The following PLEKHA7 variants were observed in gnomAD, a reference collection of about 807,000 sequenced individuals.
The protein encoded by PLEKHA7 is pleckstrin homology domain-containing family A member 7.
PLEKHA7 carries 104 observed loss-of-function variants against 170.0 expected under a neutral mutation model. That is an observed-to-expected ratio of 0.61 (90% CI 0.52 to 0.72). The LOEUF is 0.72. PLEKHA7 is among the 30% of genes least tolerant of loss of function. The pLI, the probability that PLEKHA7 is intolerant of heterozygous loss-of-function variation, is 0.00. For missense variants in PLEKHA7, 1,615 were observed against 1,671.7 expected, an observed-to-expected ratio of 0.97 and a Z score of 0.59; for synonymous variants, 648 against 660.8, an observed-to-expected ratio of 0.98 and a Z score of 0.30.
chr11:16,801,688 C>G lies in PLEKHA7; in HGVS notation c.2287G>C (p.Glu763Gln), dbSNP rs1281633324. 8 of 1,614,012 alleles carry G rather than the reference C, an allele frequency of 5.0e-6. No individual in the cohort carries two copies. Among genetic ancestry groups the G allele is most frequent in the Non-Finnish European group, 5.9e-6 (7 of 1,180,014 alleles). The change falls in exon 16 of 27, where the codon GAG (glutamate) becomes CAG (glutamine). Residue 763 changes from glutamate (E) to glutamine (Q), a missense_variant. Transcript: ENST00000531066. Reference sequence around the variant, plus strand: ...CGCACAGTGGACTCTCTGGAGAGCTCAGCTCGGATATGGACAAGGTCCTCC... The same window carrying G: ...CGCACAGTGGACTCTCTGGAGAGCTGAGCTCGGATATGGACAAGGTCCTCC... ...LQEDLVHIRA[E>Q]LSRESTEMEN...
intron 3 of PLEKHA7, among the ~76,000 whole-genome samples, chr11:17,007,773 C>G (rs1028692830): frequency 6.6e-6 from 1 of 152,002 alleles, no homozygotes; most frequent in Non-Finnish European, 1.5e-5. Flanking sequence ...AGGGTTTTAC[C>G]ATGTTGCCCA....
chr11:16,961,433 C>T (rs1053806920), intron 3 of PLEKHA7, among the ~76,000 whole-genome samples: 1 of 152,216 alleles, frequency 6.6e-6, no homozygotes, highest in Admixed American at 6.5e-5. Flanking sequence ...GGCTATGAGC[C>T]TTCCTCAGCT....
rs1219178903 is a variant in PLEKHA7 at position 16,777,745 on chromosome 11, G to A, written c.*1253C>T. On this transcript the variant is annotated 3_prime_UTR_variant, in exon 27 of 27. Transcript: ENST00000531066. ...AAGTCCTGCCATTATGGCCCTGCTG[G>A]CGGCAGGCCATGAGGGATGGTGGGG... 1 of 152,232 alleles carries A rather than the reference G, an allele frequency of 6.6e-6. No individual in the cohort carries two copies. The highest frequency in any genetic ancestry group is 2.4e-5 in the African/African-American group (1 of 41,472). 9.4% of individuals were successfully genotyped at this position (152,232 alleles called of 1,614,324 possible).
At chr11:17,000,664 A>G (rs1360450385) in intron 3 of PLEKHA7, among the ~76,000 whole-genome samples, 2 of 152,202 alleles carry the variant, frequency 1.3e-5, no homozygotes, top group African/African-American at 2.4e-5. Flanking sequence ...GATAATGGCT[A>G]ATTCCTATAT....
intron 6 of PLEKHA7, among the ~76,000 whole-genome samples, chr11:16,852,853 T>C (rs1382679679): frequency 6.6e-6 from 1 of 152,216 alleles, no homozygotes; most frequent in Non-Finnish European, 1.5e-5. Context: ...TTTCCTTCCA[T>C]TCAATATAAA....
At chr11:16,805,294 ATG>A (rs1205915896) in intron 13 of PLEKHA7, among the ~76,000 whole-genome samples, 1 of 152,228 alleles carries the variant, frequency 6.6e-6, no homozygotes, top group Non-Finnish European at 1.5e-5. Context: ...CAGGAAAAGA[ATG>A]AGATATTTTA....
chr11:16,840,628 A>G (rs1388116420), intron 9 of PLEKHA7, among the ~76,000 whole-genome samples: 1 of 152,192 alleles, frequency 6.6e-6, no homozygotes, highest in African/African-American at 2.4e-5. Context: ...ACTGAAAAGT[A>G]GACAGAAGGG....
In PLEKHA7 at chr11:16,789,078, T is replaced by C; in HGVS notation, c.3357+18A>G. ...GGCTCCCTGTCCCTGCCCCGCTGCC[T>C]GGCCCCTCCTAACATACTGAGCCAA... On this transcript the variant is annotated intron_variant, in intron 23 of 26. Coordinates refer to ENST00000531066, the MANE Select transcript of PLEKHA7 (RefSeq NM_001329630.2). The surrounding 1 kb of genome is among the most constrained non-coding windows in gnomAD (Gnocchi z 4.6). 6.3e-7 allele frequency: 1 copy of C among 1,597,942 alleles called. No homozygotes were observed. The highest frequency in any genetic ancestry group is 1.3e-5 in the African/African-American group (1 of 74,984).
At chr11:16,784,399 A>AT (rs1849263103) in intron 24 of PLEKHA7, among the ~76,000 whole-genome samples, 1 of 152,218 alleles carries the variant, frequency 6.6e-6, no homozygotes, top group Non-Finnish European at 1.5e-5. Context: ...GAATGGATGG[A>AT]TAATGGATAA....
chr11:16,870,301 CCACACA>C (rs751723212), intron 4 of PLEKHA7, among the ~76,000 whole-genome samples: 1 of 151,932 alleles, frequency 6.6e-6, no homozygotes, highest in Non-Finnish European at 1.5e-5. Flanking sequence ...ACCCCCACCC[CCACACA>C]CACACTACAC....
At chr11:16,874,262 T>C (rs560541462) in intron 3 of PLEKHA7, among the ~76,000 whole-genome samples, 1 of 152,302 alleles carries the variant, frequency 6.6e-6, no homozygotes, top group Admixed American at 6.5e-5. Flanking sequence ...ATCCTAGCAC[T>C]TCCTGAGGCT....
chr11:16,927,925 A>G (rs60785901), intron 3 of PLEKHA7, among the ~76,000 whole-genome samples: 7,796 of 152,250 alleles, frequency 0.051, 638 homozygotes, highest in African/African-American at 0.17. Context: ...ATGATATTTT[A>G]AATACTTACT....
In PLEKHA7 at chr11:16,783,562, C is replaced by A. The variant is rs972604385; in HGVS notation, c.3650+138G>T. The A allele has an allele frequency of 5.4e-5, 51 of 951,790 alleles. 1 individual carries two copies. In the Admixed American group the frequency reaches 1.9e-3, roughly 36 times the overall value. 59.0% of individuals were successfully genotyped at this position (951,790 alleles called of 1,614,324 possible). ...CTGCTGGCGATGTACCAGCCTGCCC[C>A]CTCCAATGAGTAGGGCTTACCTGAG... On this transcript the variant is annotated intron_variant, in intron 25 of 26. Coordinates refer to ENST00000531066, the MANE Select transcript of PLEKHA7 (RefSeq NM_001329630.2).
intron 23 of PLEKHA7, chr11:16,786,653 G>C (rs929297): frequency 0.32 from 317,673 of 985,076 alleles, 52,338 homozygotes; most frequent in East Asian, 0.41. Context: ...GCTCACAGTG[G>C]TCCCCAGGGA....
chr11:16,935,638 C>G (rs1286567714), intron 3 of PLEKHA7, among the ~76,000 whole-genome samples: 1 of 152,116 alleles, frequency 6.6e-6, no homozygotes, highest in Non-Finnish European at 1.5e-5. Flanking sequence ...ACTAGGGGGC[C>G]AAAGATAGAA....
intron 10 of PLEKHA7, among the ~76,000 whole-genome samples, chr11:16,821,787 G>C (rs1850235096): frequency 1.3e-5 from 2 of 152,162 alleles, no homozygotes. Context: ...CAGAGACTGA[G>C]ACACTTTGCT....
chr11:16,918,804 A>G (rs1484789022), intron 3 of PLEKHA7, among the ~76,000 whole-genome samples: 1 of 152,176 alleles, frequency 6.6e-6, no homozygotes. Flanking sequence ...GACTCTAGCT[A>G]TATCCTAAGC....
chr11:16,929,929 G>A (rs190466243), intron 3 of PLEKHA7, among the ~76,000 whole-genome samples: 41 of 152,026 alleles, frequency 2.7e-4, no homozygotes, highest in Admixed American at 4.6e-4. Context: ...ACTCGAACCC[G>A]GGAGGTGGAG....
chr11:16,847,452 AC>A (rs1565005276), intron 8 of PLEKHA7, among the ~76,000 whole-genome samples: 1 of 152,158 alleles, frequency 6.6e-6, no homozygotes, highest in Non-Finnish European at 1.5e-5. Context: ...GCCTTAGGCA[AC>A]TGTATATGAC....
Sources: gnomAD v4.1 joint callset for allele counts (sites outside exome capture counted in the v4.1 genomes callset) on GRCh38, gnomAD v4.1.1 for gene constraint, Gnocchi (gnomAD v3.1) non-coding constraint, MANE v1.5 for transcripts, NCBI Gene and HGNC (gene_info 2026-07-23, HGNC 2026-07-21) for gene names.